SEMA3A: variants seen among roughly 807,000 people sequenced by gnomAD.
SEMA3A encodes semaphorin 3A.
In SEMA3A, 29 loss-of-function variants were observed where a neutral mutation model predicts 97.9. The ratio of observed to expected loss-of-function variants is 0.30; its 90% CI spans 0.22 to 0.40. The LOEUF is 0.40. Among genes scored for constraint, SEMA3A ranks in the 10% least tolerant of loss-of-function variants. The pLI, the probability that SEMA3A is intolerant of heterozygous loss-of-function variation, is 1.00. For synonymous variants in SEMA3A, 321 were observed against 323.7 expected (o/e 0.99, Z 0.09); for missense variants, 763 against 951.3 (o/e 0.80, Z 2.60).
chr7:84,482,933 A>G (rs1006455440), intron 1 of SEMA3A, among the ~76,000 whole-genome samples: 12 of 151,148 alleles, frequency 7.9e-5, no homozygotes, highest in African/African-American at 2.9e-4. Context: ...TACCCTTGGA[A>G]TGTTTAATTA....
At chr7:83,984,131 T>C (rs1414875127) in intron 13 of SEMA3A, among the ~76,000 whole-genome samples, 2 of 152,128 alleles carry the variant, frequency 1.3e-5, no homozygotes, top group African/African-American at 4.8e-5. Flanking sequence ...AGAAATGGTT[T>C]ACAAAAATAG....
chr7:84,407,753 A>G (rs1474019309), intron 1 of SEMA3A, among the ~76,000 whole-genome samples: 1 of 152,214 alleles, frequency 6.6e-6, no homozygotes, highest in Non-Finnish European at 1.5e-5. Flanking sequence ...ATCTACAACT[A>G]TCTGATCTTT....
intron 3 of SEMA3A, among the ~76,000 whole-genome samples, chr7:84,248,496 G>A (rs1172497138): frequency 1.3e-5 from 2 of 152,114 alleles, no homozygotes; most frequent in African/African-American, 4.8e-5. Flanking sequence ...CATAAACTGA[G>A]CATTCACATG....
intron 1 of SEMA3A, among the ~76,000 whole-genome samples, chr7:84,421,636 T>G (rs886581254): frequency 4.6e-5 from 7 of 152,124 alleles, no homozygotes; most frequent in African/African-American, 1.7e-4. Context: ...TCATTCAGTA[T>G]GATATTGGCT....
rs570590117 is a variant in SEMA3A at position 84,175,352 on chromosome 7, A to G, written c.112+19123T>C. 7.2e-5 allele frequency among the ~76,000 whole-genome samples: 11 copies of G among 152,388 alleles called. No individual in the cohort carries two copies. In the South Asian group the frequency reaches 2.3e-3, roughly 32 times the overall value. On this transcript the variant is annotated intron_variant, in intron 1 of 16. Coordinates refer to ENST00000265362, the MANE Select transcript of SEMA3A (RefSeq NM_006080.3). ...CACCATTATTTACTGTAACACAAAC[A>G]TACGAATTATATTTTTTAATTAACA... is the stretch of plus-strand genomic sequence containing the variant.
intron 4 of SEMA3A, among the ~76,000 whole-genome samples, chr7:84,081,095 A>G (rs993718401): frequency 4.6e-5 from 7 of 152,078 alleles, no homozygotes; most frequent in Admixed American, 2.0e-4. Context: ...CACATGATTC[A>G]TATATATATA....
rs781108685 is a variant in SEMA3A, at chr7:84,020,035, C to CTTTTTTTTTTTTTTTTTTTT, written c.668-5704_668-5685dup. Among the ~76,000 whole-genome samples, 7 of 58,258 alleles carry CTTTTTTTTTTTTTTTTTTTT rather than the reference C, an allele frequency of 1.2e-4. 2 individuals are homozygous for CTTTTTTTTTTTTTTTTTTTT. The highest frequency in any genetic ancestry group is 1.4e-3 in the South Asian group (2 of 1,396). 38.2% of individuals were successfully genotyped at this position (58,258 alleles called of 152,430 possible). A position where few individuals can be genotyped will look rare whatever the true frequency, so the allele number is the denominator to read the frequency against. On this transcript the variant is annotated intron_variant, in intron 6 of 16. Coordinates refer to ENST00000265362, the MANE Select transcript of SEMA3A (RefSeq NM_006080.3). ...AATATTGTTAATGATTTTTTTCTTT[C>CTTTTTTTTTTTTTTTTTTTT]TTTTTTTTTTTTTTTTTTTTTTTTT...
At chr7:84,107,234 G>GC (rs1795138127) in intron 4 of SEMA3A, among the ~76,000 whole-genome samples, 1 of 152,090 alleles carries the variant, frequency 6.6e-6, no homozygotes, top group Admixed American at 6.5e-5. Context: ...TTCACCAACA[G>GC]CATAACAGTT....
chr7:84,120,112 A>C (rs1405884744), intron 3 of SEMA3A, among the ~76,000 whole-genome samples: 2 of 152,106 alleles, frequency 1.3e-5, no homozygotes, highest in Non-Finnish European at 2.9e-5. Context: ...AAAAAAAAAA[A>C]AATTAAAATG....
chr7:84,393,784 G>A (rs1803653048), intron 1 of SEMA3A, among the ~76,000 whole-genome samples: 1 of 152,102 alleles, frequency 6.6e-6, no homozygotes, highest in Admixed American at 6.6e-5. Context: ...GTAAAGAGGT[G>A]TGTATCTTCC....
chr7:84,071,745 T>A (rs1793748041), intron 4 of SEMA3A, among the ~76,000 whole-genome samples: 1 of 152,126 alleles, frequency 6.6e-6, no homozygotes, highest in African/African-American at 2.4e-5. Context: ...ATGCATGTAT[T>A]CCTTTTTTTA....
chr7:84,254,039 GA>G (rs1799664497), intron 3 of SEMA3A, among the ~76,000 whole-genome samples: 1 of 152,156 alleles, frequency 6.6e-6, no homozygotes, highest in Non-Finnish European at 1.5e-5. Flanking sequence ...TGACAATTGA[GA>G]AAACAGAGAG....
chr7:84,273,440 C>T (rs1156750785), intron 3 of SEMA3A, among the ~76,000 whole-genome samples: 5 of 152,020 alleles, frequency 3.3e-5, no homozygotes, highest in Admixed American at 3.3e-4. Flanking sequence ...CTAGCTACTG[C>T]CAGGAAATCT....
intron 2 of SEMA3A, among the ~76,000 whole-genome samples, chr7:84,130,349 G>C (rs1328369891): frequency 6.6e-6 from 1 of 151,950 alleles, no homozygotes; most frequent in Non-Finnish European, 1.5e-5. Context: ...TTACAAACAA[G>C]GATTTGGCAC....
chr7:84,313,396 ATATATATAT>A (rs1801410367), intron 2 of SEMA3A, among the ~76,000 whole-genome samples: 5 of 117,896 alleles, frequency 4.2e-5, no homozygotes, highest in Admixed American at 9.5e-5. Flanking sequence ...ATATATATAT[ATATATATAT>A]AAACTATACG....
intron 4 of SEMA3A, among the ~76,000 whole-genome samples, chr7:84,067,120 T>C (rs905310891): frequency 1.3e-5 from 2 of 152,176 alleles, no homozygotes; most frequent in Non-Finnish European, 2.9e-5. Context: ...TAACGCTGCA[T>C]ATCTACAAGT....
At chr7:83,982,933 A>T (rs539740274) in intron 13 of SEMA3A, among the ~76,000 whole-genome samples, 1 of 152,090 alleles carries the variant, frequency 6.6e-6, no homozygotes, top group African/African-American at 2.4e-5. Flanking sequence ...CAAGCAAAGT[A>T]AATAAGGGGA....
chr7:84,449,475 A>G (rs1805505902), intron 1 of SEMA3A, among the ~76,000 whole-genome samples: 1 of 152,188 alleles, frequency 6.6e-6, no homozygotes, highest in Admixed American at 6.5e-5. Context: ...AAACAACAGG[A>G]CTGAAAGAGA....
At chr7:84,095,358 C>CACACATATAT (rs1211794166) in intron 4 of SEMA3A, among the ~76,000 whole-genome samples, 64 of 122,886 alleles carry the variant, frequency 5.2e-4, no homozygotes, top group African/African-American at 2.1e-3. Context: ...TTTTTATATA[C>CACACATATAT]ATATATATAT....
Sources: gnomAD v4.1 joint callset for allele counts (sites outside exome capture counted in the v4.1 genomes callset) on GRCh38, gnomAD v4.1.1 for gene constraint, MANE v1.5 for transcripts, NCBI Gene and HGNC (gene_info 2026-07-23, HGNC 2026-07-21) for gene names.